Variants in CAPN13 observed in about 807,000 individuals in gnomAD.
CAPN13 encodes the protein calpain 13.
In CAPN13, 90 loss-of-function variants were observed where a neutral mutation model predicts 98.4. The observed-to-expected ratio is 0.92, with a 90% CI of 0.77 to 1.09. CAPN13 has a LOEUF of 1.09. Among genes scored for constraint, CAPN13 ranks in the 50% least tolerant of loss-of-function variants. The pLI is 0.00. For missense variants in CAPN13, 887 were observed against 841.3 expected, an observed-to-expected ratio of 1.05 and a Z score of -0.67; for synonymous variants, 330 against 305.5, an observed-to-expected ratio of 1.08 and a Z score of -0.84.
Position 30,751,253 on chromosome 2 carries a change from T to G in CAPN13, c.1088-2A>C, listed in dbSNP as rs924394497. On this transcript the variant is annotated splice_acceptor_variant, in intron 10 of 22. Transcript: ENST00000295055. LOFTEE classifies it high-confidence loss of function. The stretch of plus-strand genomic sequence containing the variant: ...ATTGAGCATCATTCCGAGGTCCTCC[T>G]GCATCAGAAAGAGCTGTTACTAGAG... The G allele has an allele frequency of 6.2e-7, 1 of 1,613,744 alleles. No homozygotes were observed. The highest frequency in any genetic ancestry group is 8.5e-7 in the Non-Finnish European group (1 of 1,179,726).
intron 1 of CAPN13, among the ~76,000 whole-genome samples, chr2:30,790,048 G>A (rs1042552878): frequency 8.5e-5 from 13 of 152,230 alleles, no homozygotes; most frequent in Admixed American, 7.2e-4. Flanking sequence ...TGATGGGGAA[G>A]GGAGAAGCAG....
chr2:30,785,915 T>A (rs976116028), intron 2 of CAPN13, among the ~76,000 whole-genome samples: 2 of 152,166 alleles, frequency 1.3e-5, no homozygotes, highest in Admixed American at 1.3e-4. Flanking sequence ...CAATGGCTGA[T>A]AAGAGGACCC....
rs776290063 is a variant in CAPN13, at chr2:30,736,588, G to A, written c.1654-17C>T. On this transcript the variant is annotated splice_polypyrimidine_tract_variant and intron_variant, in intron 17 of 22. Coordinates refer to ENST00000295055, the MANE Select transcript of CAPN13 (RefSeq NM_144575.3). ...CACTTTCAGCTGGGTAAGGAGTTAA[G>A]AGTGAACCAGCCAGCGTGCAAGGTG... 1 of 1,613,756 alleles carries A rather than the reference G, an allele frequency of 6.2e-7. No homozygotes were observed. The highest frequency in any genetic ancestry group is 8.5e-7 in the Non-Finnish European group (1 of 1,179,680).
chr2:30,777,308 A>C (rs1384250743), intron 3 of CAPN13, among the ~76,000 whole-genome samples: 1 of 152,252 alleles, frequency 6.6e-6, no homozygotes, highest in African/African-American at 2.4e-5. Context: ...CCATTGTCAC[A>C]TATATAAAAT....
At chr2:30,778,547 T>C (rs920255884) in intron 2 of CAPN13, among the ~76,000 whole-genome samples, 1 of 152,228 alleles carries the variant, frequency 6.6e-6, no homozygotes, top group Non-Finnish European at 1.5e-5. Flanking sequence ...CATTGACCAA[T>C]AAGTCTGCAG....
intron 10 of CAPN13, 74 bp downstream of exon 10, chr2:30,752,979 C>T (rs1672253946): frequency 6.5e-7 from 1 of 1,528,854 alleles, no homozygotes; most frequent in Non-Finnish European, 9.0e-7. Flanking sequence ...CCAGAGAGAG[C>T]TGAAGCCATG....
intron 2 of CAPN13, among the ~76,000 whole-genome samples, chr2:30,778,569 G>T (rs1390069134): frequency 1.3e-5 from 2 of 152,302 alleles, no homozygotes; most frequent in East Asian, 3.9e-4. Context: ...GAGCAGGCCC[G>T]CAAACTGGAA....
chr2:30,785,411 A>G (rs1161658856), intron 2 of CAPN13, among the ~76,000 whole-genome samples: 1 of 152,248 alleles, frequency 6.6e-6, no homozygotes, highest in African/African-American at 2.4e-5. Context: ...AAGAAAGACA[A>G]AGAAATATGA....
chr2:30,791,696 C>T (rs889137182), intron 1 of CAPN13, among the ~76,000 whole-genome samples: 9 of 152,368 alleles, frequency 5.9e-5, no homozygotes, highest in African/African-American at 2.2e-4. Context: ...AACATCCTGA[C>T]TCAAGTCCTC....
intron 22 of CAPN13, among the ~76,000 whole-genome samples, chr2:30,726,530 G>A (rs1670864708): frequency 6.6e-6 from 1 of 152,096 alleles, no homozygotes. Flanking sequence ...AGTTTAGCAA[G>A]GTTGCAGGAT....
intron 1 of CAPN13, among the ~76,000 whole-genome samples, chr2:30,800,178 A>AAGAAAGAG (rs1361461954): frequency 5.3e-5 from 8 of 151,212 alleles, no homozygotes; most frequent in Non-Finnish European, 1.0e-4. Context: ...GAAAGAAAGA[A>AAGAAAGAG]AGAAAGAAAG....
At chr2:30,745,788 G>C in intron 11 of CAPN13, 54 bp from the exon 12 acceptor site, 1 of 1,546,688 alleles carries the variant, frequency 6.5e-7, no homozygotes, top group Non-Finnish European at 8.8e-7. Context: ...AAACAAAAAG[G>C]CAAGCAGAAC....
chr2:30,745,717 C>G lies in CAPN13; in HGVS notation c.1248+6G>C. On this transcript the variant is annotated splice_donor_region_variant and intron_variant, in intron 12 of 22. Transcript: ENST00000295055. ...GGCGCAGGGCAAGGACGACGCTGAGCCATACCTGTGAGCCAGCCTGTTGGA... is the reference window on the plus strand; with the variant it reads ...GGCGCAGGGCAAGGACGACGCTGAGGCATACCTGTGAGCCAGCCTGTTGGA... 1 of 1,596,582 alleles carries G rather than the reference C, an allele frequency of 6.3e-7. No individual in the cohort carries two copies. The highest frequency in any genetic ancestry group is 8.5e-7 in the Non-Finnish European group (1 of 1,178,966).
In CAPN13 at chr2:30,751,178, G is replaced by A. The variant is rs189917245; in HGVS notation, c.1161C>T (p.Cys387=). 1,399 of 1,613,850 alleles carry A rather than the reference G, an allele frequency of 8.7e-4. 13 individuals are homozygous for A. The highest frequency in any genetic ancestry group is 1.6e-4 in the Middle Eastern group (1 of 6,062). The change falls in exon 11 of 23, where the codon TGC becomes TGT. Residue 387 remains cysteine (C), a synonymous_variant. Coordinates refer to ENST00000295055, the MANE Select transcript of CAPN13 (RefSeq NM_144575.3). ...EPMEGTNVVV[C]VTVAVTPSNL... Reference sequence around the variant, plus strand: ...TTGATGGTGTGACAGCAACTGTGACGCACACGACAACATTGGTGCCTTCCA... The same window carrying A: ...TTGATGGTGTGACAGCAACTGTGACACACACGACAACATTGGTGCCTTCCA...
chr2:30,807,371 G>C lies in CAPN13; in HGVS notation c.-102C>G, dbSNP rs1422869946. The C allele has an allele frequency of 6.5e-6, 1 of 152,676 alleles. No individual in the cohort carries two copies. The highest frequency in any genetic ancestry group is 1.5e-5 in the Non-Finnish European group (1 of 68,400). The allele number at this position is 152,676 out of a possible 1,614,324, so 9.5% of individuals were successfully genotyped here. ...AGGTTCCACAGGCTCTCAGGTTAGA[G>C]AGTGGTGGAGGAGACTGGCAGAGGA... On this transcript the variant is annotated 5_prime_UTR_variant, in exon 1 of 23. Coordinates refer to ENST00000295055, the MANE Select transcript of CAPN13 (RefSeq NM_144575.3).
intron 22 of CAPN13, among the ~76,000 whole-genome samples, chr2:30,725,622 C>T (rs1670832823): frequency 6.6e-6 from 1 of 152,180 alleles, no homozygotes; most frequent in South Asian, 2.1e-4. Flanking sequence ...TTTGCTCGCT[C>T]CAGGGACACT....
intron 11 of CAPN13, among the ~76,000 whole-genome samples, chr2:30,747,414 C>T (rs1558304562): frequency 6.6e-6 from 1 of 152,290 alleles, no homozygotes; most frequent in Non-Finnish European, 1.5e-5. Context: ...CTGGGCCCCA[C>T]CCATGTGTAC....
chr2:30,790,852 G>C lies in CAPN13; in HGVS notation c.-32-3495C>G, dbSNP rs12464339. Among the ~76,000 whole-genome samples the C allele has an allele frequency of 3.3e-3, 501 of 152,334 alleles. 11 individuals are homozygous for C. The highest frequency in any genetic ancestry group is 0.027 in the Admixed American group (406 of 15,310). ...ACAGTTCTGGAGGCTAGAAGTCAGAGATCAGAGTGCCAGTATGTGGTGGAG... is the reference window on the plus strand; with the variant it reads ...ACAGTTCTGGAGGCTAGAAGTCAGACATCAGAGTGCCAGTATGTGGTGGAG... On this transcript the variant is annotated intron_variant, in intron 1 of 22. Transcript: ENST00000295055.
chr2:30,798,551 C>A (rs1232053967), intron 1 of CAPN13, among the ~76,000 whole-genome samples: 1 of 152,220 alleles, frequency 6.6e-6, no homozygotes, highest in African/African-American at 2.4e-5. Flanking sequence ...CATATCCCAG[C>A]AACAAAGGGT....
Sources: allele counts gnomAD v4.1 joint callset (sites outside exome capture counted in the v4.1 genomes callset), GRCh38; gene constraint gnomAD v4.1.1; transcripts MANE v1.5; gene names NCBI Gene and HGNC (gene_info 2026-07-23, HGNC 2026-07-21).